The following ROBO2 variants were observed in gnomAD, a reference collection of about 807,000 sequenced individuals.
ROBO2 encodes roundabout guidance receptor 2, also known as roundabout homolog 2.
Under a neutral mutation model 160.8 loss-of-function variants are expected in ROBO2, and 53 were observed. That is an observed-to-expected ratio of 0.33 (90% CI 0.26 to 0.41). The LOEUF (loss-of-function observed/expected upper bound fraction) is 0.41, where lower values mean the gene tolerates loss of function less well. Among genes scored for constraint, ROBO2 ranks in the 10% least tolerant of loss-of-function variants. The probability of loss-of-function intolerance (pLI) is 1.00; values close to 1 mark genes in which losing one functional copy is unlikely to be tolerated. For missense variants in ROBO2, 1,577 were observed against 1,722.4 expected, an observed-to-expected ratio of 0.92 and a Z score of 1.49; for synonymous variants, 664 against 611.7, an observed-to-expected ratio of 1.09 and a Z score of -1.26.
At chr3:76,359,714 A>G (rs946782482) in intron 2 of ROBO2, among the ~76,000 whole-genome samples, 1 of 151,980 alleles carries the variant, frequency 6.6e-6, no homozygotes, top group Non-Finnish European at 1.5e-5. Flanking sequence ...CATATATTAT[A>G]TGTCATTTGA....
At chr3:77,443,713 G>A (rs145246246) in intron 2 of ROBO2, among the ~76,000 whole-genome samples, 4 of 151,922 alleles carry the variant, frequency 2.6e-5, no homozygotes, top group East Asian at 3.9e-4. Flanking sequence ...TTTCTCATAT[G>A]AGTAAAAAGA....
intron 2 of ROBO2, among the ~76,000 whole-genome samples, chr3:76,736,333 A>C (rs1182231417): frequency 1.7e-5 from 1 of 58,584 alleles, no homozygotes; most frequent in Admixed American, 1.7e-4. Context: ...AAGCCTACAA[A>C]CGTATCAGTA....
intron 2 of ROBO2, among the ~76,000 whole-genome samples, chr3:76,960,453 A>T (rs1045873819): frequency 6.6e-6 from 1 of 152,114 alleles, no homozygotes; most frequent in African/African-American, 2.4e-5. Flanking sequence ...CTGTATCTAT[A>T]TATATATAGC....
intron 2 of ROBO2, among the ~76,000 whole-genome samples, chr3:76,747,915 A>G (rs2093919782): frequency 6.6e-6 from 1 of 152,024 alleles, no homozygotes; most frequent in Non-Finnish European, 1.5e-5. Flanking sequence ...TAACCTGTAT[A>G]AATTTCATTT....
intron 2 of ROBO2, among the ~76,000 whole-genome samples, chr3:77,428,515 C>T (rs946530808): frequency 1.3e-5 from 2 of 150,828 alleles, no homozygotes; most frequent in African/African-American, 4.9e-5. Flanking sequence ...CGCCACCGCG[C>T]CCGGCTAATT....
At chr3:76,871,362 G>A (rs951775283) in intron 2 of ROBO2, among the ~76,000 whole-genome samples, 15 of 151,484 alleles carry the variant, frequency 9.9e-5, no homozygotes, top group Admixed American at 8.6e-4. Flanking sequence ...AGACCATCCC[G>A]GCTAAAACGG....
intron 1 of ROBO2, among the ~76,000 whole-genome samples, chr3:75,911,548 GTTTCT>G (rs1946581363): frequency 1.2e-5 from 1 of 82,980 alleles, no homozygotes; most frequent in Non-Finnish European, 2.6e-5. Flanking sequence ...CTGAAGCCTT[GTTTCT>G]TTTTTTTTTT....
intron 2 of ROBO2, among the ~76,000 whole-genome samples, chr3:77,235,275 A>G (rs1304101104): frequency 6.6e-6 from 1 of 152,190 alleles, no homozygotes; most frequent in Non-Finnish European, 1.5e-5. Context: ...TTAAATCTAT[A>G]AAATGAAGAA....
At chr3:77,632,639 C>G (rs1206001350) in intron 23 of ROBO2, 58 of 1,535,136 alleles carry the variant, frequency 3.8e-5, no homozygotes, top group Middle Eastern at 1.7e-4. Context: ...CTGGATGGAA[C>G]CAGCCTTACA....
intron 2 of ROBO2, among the ~76,000 whole-genome samples, chr3:76,915,581 G>A (rs4102418): frequency 0.26 from 39,765 of 150,172 alleles, 5,696 homozygotes; most frequent in African/African-American, 0.38. Context: ...GATGCAGGAG[G>A]CTCACTTGAA....
At chr3:76,263,146 T>C (rs187631318) in intron 2 of ROBO2, among the ~76,000 whole-genome samples, 1 of 152,246 alleles carries the variant, frequency 6.6e-6, no homozygotes, top group East Asian at 1.9e-4. Context: ...TTAACTGTAA[T>C]ACTAAAGTGC....
chr3:77,643,175 G>A (rs1186329372), intron 24 of ROBO2, among the ~76,000 whole-genome samples: 1 of 152,118 alleles, frequency 6.6e-6, no homozygotes, highest in Admixed American at 6.5e-5. Flanking sequence ...AGACTTCCAG[G>A]CTTCATCTAA....
intron 2 of ROBO2, among the ~76,000 whole-genome samples, chr3:76,389,812 G>T (rs1395117753): frequency 6.6e-6 from 1 of 152,090 alleles, no homozygotes; most frequent in East Asian, 1.9e-4. Flanking sequence ...ATTACATTTA[G>T]GCAATGAATT....
intron 2 of ROBO2, among the ~76,000 whole-genome samples, chr3:76,578,963 A>G (rs977078949): frequency 2.6e-5 from 4 of 152,160 alleles, no homozygotes; most frequent in African/African-American, 9.7e-5. Flanking sequence ...ACTCTTGCCC[A>G]TGTAAAATCT....
chr3:76,356,513 A>G (rs1047959120), intron 2 of ROBO2, among the ~76,000 whole-genome samples: 5 of 151,598 alleles, frequency 3.3e-5, no homozygotes, highest in South Asian at 4.1e-4. Flanking sequence ...TGTTGCAGGT[A>G]TATGAATACT....
chr3:75,911,649 C>G lies in ROBO2; in HGVS notation c.-14+4689C>G, dbSNP rs1253236360. Among the ~76,000 whole-genome samples the G allele has an allele frequency of 5.3e-5, 8 of 149,664 alleles. No individual in the cohort carries two copies. In the East Asian group the frequency reaches 1.2e-3, roughly 22 times the overall value. ...CTCGACTCACTGCAAGCTCCGCCTC[C>G]CGGGTTCACGCCGTTCTCCTGCCTC... On this transcript the variant is annotated intron_variant, in intron 1 of 26. Coordinates refer to the ROBO2 transcript ENST00000487694.
intron 2 of ROBO2, among the ~76,000 whole-genome samples, chr3:76,330,963 T>C (rs1459857985): frequency 2.0e-5 from 3 of 152,214 alleles, no homozygotes; most frequent in South Asian, 4.1e-4. Flanking sequence ...CTAAATGTGC[T>C]CTATCTAAAT....
At chr3:77,401,547 G>T (rs1398396728) in intron 2 of ROBO2, among the ~76,000 whole-genome samples, 1 of 151,970 alleles carries the variant, frequency 6.6e-6, no homozygotes, top group Non-Finnish European at 1.5e-5. Context: ...TATTGGGCTG[G>T]TAAAAAGGGT....
chr3:77,283,268 T>C (rs909303234), intron 2 of ROBO2, among the ~76,000 whole-genome samples: 6 of 152,150 alleles, frequency 3.9e-5, no homozygotes, highest in Non-Finnish European at 5.9e-5. Context: ...CAGCCAAGCG[T>C]GAAGGAGCAA....
Sources: allele counts gnomAD v4.1 joint callset (sites outside exome capture counted in the v4.1 genomes callset), GRCh38; gene constraint gnomAD v4.1.1; transcripts MANE v1.5; gene names NCBI Gene and HGNC (gene_info 2026-07-23, HGNC 2026-07-21).